Variants in VPS13A observed in about 807,000 individuals in gnomAD.
VPS13A encodes intermembrane lipid transfer protein VPS13A.
A neutral mutation model predicts 390.9 loss-of-function variants in VPS13A; 264 were observed. That is an observed-to-expected ratio of 0.68 (90% CI 0.61 to 0.75). VPS13A has a LOEUF of 0.75. Among genes scored for constraint, VPS13A ranks in the 30% least tolerant of loss-of-function variants. The pLI is 0.00. For synonymous variants in VPS13A, 1,231 were observed against 1,227.1 expected (o/e 1.00, Z -0.07); for missense variants, 3,409 against 3,733.9 (o/e 0.91, Z 2.27).
At chr9:77,346,906 G>A (rs899701964) in intron 52 of VPS13A, among the ~76,000 whole-genome samples, 2 of 152,156 alleles carry the variant, frequency 1.3e-5, no homozygotes, top group African/African-American at 4.8e-5. Context: ...GGCCAGACTG[G>A]TCTCTTCACA....
At chr9:77,216,442 G>A (rs570530661) in intron 10 of VPS13A, among the ~76,000 whole-genome samples, 2 of 152,282 alleles carry the variant, frequency 1.3e-5, no homozygotes, top group East Asian at 3.9e-4. Context: ...AGGAGAAACG[G>A]GGGACAGTTT....
intron 20 of VPS13A, among the ~76,000 whole-genome samples, chr9:77,249,515 T>A (rs1319282557): frequency 2.0e-5 from 3 of 152,258 alleles, no homozygotes; most frequent in African/African-American, 7.2e-5. Flanking sequence ...TTAAAAAATG[T>A]ATGTGTACAC....
chr9:77,381,790 A>T (rs961772813), intron 67 of VPS13A, among the ~76,000 whole-genome samples, 186 bp from the exon 68 acceptor site: 3 of 152,176 alleles, frequency 2.0e-5, no homozygotes, highest in Admixed American at 2.0e-4. Flanking sequence ...AGAGACTTAA[A>T]CTTCTCTATA....
At chr9:77,388,485 C>A (rs1453316581) in intron 68 of VPS13A, among the ~76,000 whole-genome samples, 1 of 152,004 alleles carries the variant, frequency 6.6e-6, no homozygotes, top group Non-Finnish European at 1.5e-5. Context: ...GCAATTATTC[C>A]ATATCAACCG....
intron 34 of VPS13A, among the ~76,000 whole-genome samples, chr9:77,306,922 T>TC (rs1828786247): frequency 6.6e-6 from 1 of 151,126 alleles, no homozygotes; most frequent in Non-Finnish European, 1.5e-5. Context: ...TTTTTTTTTT[T>TC]TTTTTTGAGA....
intron 23 of VPS13A, among the ~76,000 whole-genome samples, chr9:77,271,776 C>T (rs545720123): frequency 1.3e-5 from 2 of 152,218 alleles, no homozygotes; most frequent in South Asian, 4.1e-4. Flanking sequence ...TAAAACCTAA[C>T]AACTACATTA....
At chr9:77,388,395 T>C (rs1203334473) in intron 68 of VPS13A, among the ~76,000 whole-genome samples, 1 of 152,176 alleles carries the variant, frequency 6.6e-6, no homozygotes, top group African/African-American at 2.4e-5. Context: ...AATTTATGAT[T>C]TTCATAGGGA....
At chr9:77,230,255 T>A (rs566055391) in intron 17 of VPS13A, among the ~76,000 whole-genome samples, 41 of 151,856 alleles carry the variant, frequency 2.7e-4, no homozygotes, top group Non-Finnish European at 5.0e-4. Flanking sequence ...CAAATTTATA[T>A]TTTTTTTGCT....
At chr9:77,196,965 G>A (rs76142378) in intron 1 of VPS13A, among the ~76,000 whole-genome samples, 1 of 152,114 alleles carries the variant, frequency 6.6e-6, no homozygotes, top group Non-Finnish European at 1.5e-5. Flanking sequence ...CAAAAACAGT[G>A]TGTAAGAGTT....
intron 23 of VPS13A, among the ~76,000 whole-genome samples, chr9:77,268,115 G>A (rs1379436817): frequency 2.0e-5 from 3 of 152,204 alleles, no homozygotes; most frequent in Non-Finnish European, 2.9e-5. Context: ...AGTGGGATCC[G>A]CTGAGCAAGA....
At chr9:77,297,870 A>T (rs1397660702) in intron 33 of VPS13A, among the ~76,000 whole-genome samples, 1 of 152,150 alleles carries the variant, frequency 6.6e-6, no homozygotes, top group Non-Finnish European at 1.5e-5. Flanking sequence ...AGGAGACAAA[A>T]CTAGAGGTTG....
intron 71 of VPS13A, among the ~76,000 whole-genome samples, chr9:77,409,192 A>T (rs1834783254): frequency 6.6e-6 from 1 of 152,230 alleles, no homozygotes; most frequent in Non-Finnish European, 1.5e-5. Context: ...ACAGGTCTGG[A>T]GTGGACCTCC....
At chr9:77,393,987 C>T (rs752910511) in intron 68 of VPS13A, among the ~76,000 whole-genome samples, 10 of 151,028 alleles carry the variant, frequency 6.6e-5, no homozygotes, top group Non-Finnish European at 1.5e-4. Flanking sequence ...AGGCTGGGGA[C>T]GATCTCCTGA....
At chr9:77,326,048 T>G (rs1362246038) in intron 45 of VPS13A, among the ~76,000 whole-genome samples, 1 of 152,086 alleles carries the variant, frequency 6.6e-6, no homozygotes, top group South Asian at 2.1e-4. Flanking sequence ...ATTGGCAGGG[T>G]TTTTCCCCCC....
intron 23 of VPS13A, among the ~76,000 whole-genome samples, chr9:77,264,485 T>G: frequency 6.6e-6 from 1 of 152,220 alleles, no homozygotes; most frequent in South Asian, 2.1e-4. Flanking sequence ...CAGTGTTTTG[T>G]AGTTCTCCTT....
chr9:77,359,487 A>T, intron 58 of VPS13A, 85 bp downstream of exon 58: 1 of 1,159,190 alleles, frequency 8.6e-7, no homozygotes, highest in Middle Eastern at 2.6e-4. Context: ...AATGTTGGAC[A>T]AGTCAAAGAT....
chr9:77,182,892 A>G (rs1824108273), intron 1 of VPS13A, among the ~76,000 whole-genome samples: 1 of 152,156 alleles, frequency 6.6e-6, no homozygotes, highest in African/African-American at 2.4e-5. Context: ...TTTAGTGGCC[A>G]CTTAGCTGGA....
At chr9:77,360,914 T>G (rs946693507) in intron 59 of VPS13A, among the ~76,000 whole-genome samples, 4 of 152,130 alleles carry the variant, frequency 2.6e-5, no homozygotes, top group African/African-American at 9.7e-5. Flanking sequence ...CCTGGATTAC[T>G]TTGGCTTTGC....
At chr9:77,382,600 A>G (rs936411071) in intron 68 of VPS13A, 19 of 1,073,864 alleles carry the variant, frequency 1.8e-5, no homozygotes, top group Non-Finnish European at 2.1e-5. Flanking sequence ...TTTATACCAG[A>G]TATATAATCC....
Sources: allele counts gnomAD v4.1 joint callset (sites outside exome capture counted in the v4.1 genomes callset), GRCh38; gene constraint gnomAD v4.1.1; transcripts MANE v1.5; gene names NCBI Gene and HGNC (gene_info 2026-07-23, HGNC 2026-07-21).